CSRNP3: variants seen among roughly 807,000 people sequenced by gnomAD.
The protein encoded by CSRNP3 is cysteine/serine-rich nuclear protein 3.
In CSRNP3, 12 loss-of-function variants were observed where a neutral mutation model predicts 48.0. That is an observed-to-expected ratio of 0.25 (90% confidence interval 0.16 to 0.41). CSRNP3 has a LOEUF of 0.41. Among genes scored for constraint, CSRNP3 ranks in the 10% least tolerant of loss-of-function variants. CSRNP3 has a pLI of 1.00. For missense variants in CSRNP3, 580 were observed against 724.4 expected (o/e 0.80, Z 2.29); for synonymous variants, 263 against 269.7 (o/e 0.98, Z 0.24).
chr2:165,638,432 G>A (rs1686669964), intron 4 of CSRNP3, among the ~76,000 whole-genome samples: 1 of 151,468 alleles, frequency 6.6e-6, no homozygotes, highest in African/African-American at 2.4e-5. Context: ...TTGCACTCCA[G>A]CCTGGGCAAC....
chr2:165,629,858 C>T (rs1046743765), intron 4 of CSRNP3, among the ~76,000 whole-genome samples: 2 of 152,138 alleles, frequency 1.3e-5, no homozygotes, highest in African/African-American at 2.4e-5. Context: ...TCATTTTGCA[C>T]TCTACCTTTC....
At chr2:165,548,597 G>T (rs1475807852) in intron 3 of CSRNP3, among the ~76,000 whole-genome samples, 3 of 151,986 alleles carry the variant, frequency 2.0e-5, no homozygotes, top group Non-Finnish European at 4.4e-5. Context: ...CTTTTTAAGT[G>T]TTGTGTATAA....
At chr2:165,521,914 A>G (rs989637168) in intron 3 of CSRNP3, among the ~76,000 whole-genome samples, 34 of 152,302 alleles carry the variant, frequency 2.2e-4, no homozygotes, top group African/African-American at 7.5e-4. Flanking sequence ...CCTAACTTCT[A>G]TAATCTCAGT....
At chr2:165,606,749 T>C (rs1686035988) in intron 4 of CSRNP3, among the ~76,000 whole-genome samples, 1 of 152,164 alleles carries the variant, frequency 6.6e-6, no homozygotes, top group African/African-American at 2.4e-5. Context: ...CGGATGTACA[T>C]GTATATGCAG....
At chr2:165,615,697 T>C (rs756023358) in intron 4 of CSRNP3, among the ~76,000 whole-genome samples, 2 of 152,098 alleles carry the variant, frequency 1.3e-5, no homozygotes, top group Non-Finnish European at 2.9e-5. Flanking sequence ...TTTTGTATTC[T>C]GTTTACATGG....
chr2:165,538,967 A>AAAT (rs1212250235), intron 3 of CSRNP3, among the ~76,000 whole-genome samples: 1 of 151,992 alleles, frequency 6.6e-6, no homozygotes, highest in East Asian at 1.9e-4. Context: ...TTTGGAAAAG[A>AAAT]AATACTCCTA....
chr2:165,594,267 C>A (rs1183952436), intron 3 of CSRNP3, among the ~76,000 whole-genome samples: 1 of 152,072 alleles, frequency 6.6e-6, no homozygotes, highest in Non-Finnish European at 1.5e-5. Context: ...AATGTTTATA[C>A]CCTAAAATAT....
At chr2:165,562,640 T>C (rs552145305) in intron 3 of CSRNP3, among the ~76,000 whole-genome samples, 1 of 152,344 alleles carries the variant, frequency 6.6e-6, no homozygotes, top group South Asian at 2.1e-4. Context: ...GTGTCCACTT[T>C]ATGTCTATAT....
intron 4 of CSRNP3, among the ~76,000 whole-genome samples, chr2:165,610,556 C>A (rs1362594628): frequency 6.6e-6 from 1 of 152,136 alleles, no homozygotes; most frequent in African/African-American, 2.4e-5. Context: ...TGAAACTGAA[C>A]CACCTCAGTC....
chr2:165,491,987 T>C (rs552975191), intron 1 of CSRNP3, among the ~76,000 whole-genome samples: 2 of 147,478 alleles, frequency 1.4e-5, no homozygotes, highest in African/African-American at 4.9e-5. Flanking sequence ...AAACCAGAGA[T>C]GGTCCTAGAT....
rs1687638906 is a variant in CSRNP3 at position 165,686,875 on chromosome 2, C to T, written c.*7122C>T. 6.6e-6 allele frequency: 1 copy of T among 151,954 alleles called. No individual in the cohort carries two copies. The allele number at this position is 151,954 out of a possible 1,614,324, so 9.4% of individuals were successfully genotyped here. Reference sequence around the variant, plus strand: ...GAATACTGGAAAGTTTGAGATTCTTCTATATTCTTCAAATTTATGGTCCTG... The same window carrying T: ...GAATACTGGAAAGTTTGAGATTCTTTTATATTCTTCAAATTTATGGTCCTG... On this transcript the variant is annotated 3_prime_UTR_variant, in exon 7 of 7. Transcript: ENST00000651982.
chr2:165,571,100 G>C (rs1685366971), intron 3 of CSRNP3, among the ~76,000 whole-genome samples: 1 of 151,646 alleles, frequency 6.6e-6, no homozygotes, highest in Admixed American at 6.6e-5. Context: ...CTAATGGAAG[G>C]CTTAAGCAAA....
intron 3 of CSRNP3, among the ~76,000 whole-genome samples, chr2:165,532,960 A>G (rs951638056): frequency 1.2e-4 from 19 of 152,172 alleles, no homozygotes; most frequent in Non-Finnish European, 1.2e-4. Context: ...CCCATTCACA[A>G]TTGCTTCAAA....
intron 3 of CSRNP3, among the ~76,000 whole-genome samples, chr2:165,544,047 T>C (rs1684991993): frequency 1.3e-5 from 2 of 151,832 alleles, no homozygotes; most frequent in South Asian, 4.1e-4. Flanking sequence ...ATATTCTGTA[T>C]ATGTAAAATA....
chr2:165,559,831 A>ACTCTGTCG (rs1685208607), intron 3 of CSRNP3, among the ~76,000 whole-genome samples: 1 of 116,774 alleles, frequency 8.6e-6, no homozygotes, highest in Non-Finnish European at 1.6e-5. Flanking sequence ...ATGGAGTCTC[A>ACTCTGTCG]CTCTGTCGCC....
chr2:165,573,163 TGTG>T (rs1685398079), intron 3 of CSRNP3, among the ~76,000 whole-genome samples: 1 of 152,106 alleles, frequency 6.6e-6, no homozygotes, highest in South Asian at 2.1e-4. Flanking sequence ...ATTTATTTGT[TGTG>T]TGCTTTTAAT....
intron 3 of CSRNP3, among the ~76,000 whole-genome samples, chr2:165,527,021 T>C (rs1298604605): frequency 6.6e-6 from 1 of 152,098 alleles, no homozygotes; most frequent in Non-Finnish European, 1.5e-5. Flanking sequence ...CATTTGCATG[T>C]CCAAAAATGA....
Position 165,623,914 on chromosome 2 carries a change from CCA to C in CSRNP3, c.148+28704_148+28705del, listed in dbSNP as rs544336956. On this transcript the variant is annotated intron_variant, in intron 4 of 6. Coordinates refer to ENST00000651982, the MANE Select transcript of CSRNP3 (RefSeq NM_001172173.2). ...GAGGCAACTGTTGCCTACCTTCTCT[CCA>C]CAAAAGGGAGTATCTCCTTGTCTGG... Among the ~76,000 whole-genome samples the C allele has an allele frequency of 1.3e-4, 20 of 152,304 alleles. No individual in the cohort carries two copies. The South Asian group carries it at 4.2e-3, about 32-fold the overall frequency.
At chr2:165,513,927 A>G (rs1684541917) in intron 2 of CSRNP3, among the ~76,000 whole-genome samples, 1 of 152,218 alleles carries the variant, frequency 6.6e-6, no homozygotes, top group African/African-American at 2.4e-5. Context: ...CTGGTTCTAG[A>G]TGACTTTCTC....
Sources: gnomAD v4.1 joint callset for allele counts (sites outside exome capture counted in the v4.1 genomes callset) on GRCh38, gnomAD v4.1.1 for gene constraint, MANE v1.5 for transcripts, NCBI Gene and HGNC (gene_info 2026-07-23, HGNC 2026-07-21) for gene names.